PDE4D: variants seen among roughly 807,000 people sequenced by gnomAD.
PDE4D encodes phosphodiesterase 4D.
A neutral mutation model predicts 87.4 loss-of-function variants in PDE4D; 24 were observed. That is an observed-to-expected ratio of 0.27 (90% CI 0.20 to 0.39). PDE4D has a LOEUF of 0.39. Ranked by LOEUF, PDE4D falls within the 10% of genes least tolerant of loss-of-function variation. The pLI is 1.00. For synonymous variants in PDE4D, 384 were observed against 383.2 expected (o/e 1.00, Z -0.02); for missense variants, 714 against 1,041.0 (o/e 0.69, Z 4.32).
intron 1 of PDE4D, among the ~76,000 whole-genome samples, chr5:59,336,925 C>A (rs530745712): frequency 6.6e-6 from 1 of 152,152 alleles, no homozygotes; most frequent in Non-Finnish European, 1.5e-5. Context: ...ACTCAATGTT[C>A]AGTTCATATT....
chr5:59,276,684 A>G (rs1464650283), intron 1 of PDE4D, among the ~76,000 whole-genome samples: 2 of 152,002 alleles, frequency 1.3e-5, no homozygotes, highest in Non-Finnish European at 2.9e-5. Flanking sequence ...CCCTTGCACA[A>G]TGTTTTCTAA....
chr5:59,475,282 A>G (rs1204965086), intron 1 of PDE4D, among the ~76,000 whole-genome samples: 4 of 152,072 alleles, frequency 2.6e-5, no homozygotes, highest in Non-Finnish European at 4.4e-5. Context: ...GTACCTAGGT[A>G]CACCTTTCAG....
intron 1 of PDE4D, among the ~76,000 whole-genome samples, chr5:59,378,439 A>AG (rs1316761020): frequency 6.6e-6 from 1 of 152,230 alleles, no homozygotes; most frequent in Non-Finnish European, 1.5e-5. Context: ...GTTAAAAAAA[A>AG]GAATTCAGAA....
At chr5:59,854,423 T>C (rs1745118954) in intron 1 of PDE4D, among the ~76,000 whole-genome samples, 1 of 152,102 alleles carries the variant, frequency 6.6e-6, no homozygotes, top group African/African-American at 2.4e-5. Context: ...AATTTGTGAC[T>C]TCCTTTTTAA....
At chr5:59,047,742 A>G (rs1445609234) in intron 5 of PDE4D, among the ~76,000 whole-genome samples, 2 of 152,256 alleles carry the variant, frequency 1.3e-5, no homozygotes, top group East Asian at 3.8e-4. Flanking sequence ...GCTGAAATCT[A>G]ATCCCCGGTG....
At chr5:59,652,831 A>C (rs1310947997) in intron 1 of PDE4D, among the ~76,000 whole-genome samples, 1 of 152,134 alleles carries the variant, frequency 6.6e-6, no homozygotes, top group Non-Finnish European at 1.5e-5. Flanking sequence ...CCATCAAGGA[A>C]ACTGTCAGAA....
intron 1 of PDE4D, among the ~76,000 whole-genome samples, chr5:59,587,908 G>A (rs1209354796): frequency 6.6e-6 from 1 of 151,368 alleles, no homozygotes; most frequent in South Asian, 2.1e-4. Context: ...TTGTTTGCTC[G>A]TTTTCCTTCT....
chr5:59,461,695 T>C (rs1002960418), intron 1 of PDE4D, among the ~76,000 whole-genome samples: 1 of 152,214 alleles, frequency 6.6e-6, no homozygotes, highest in African/African-American at 2.4e-5. Flanking sequence ...TTTATTTGTG[T>C]AGGCTTCAAC....
At chr5:59,675,888 C>T (rs1747986540) in intron 1 of PDE4D, among the ~76,000 whole-genome samples, 1 of 152,048 alleles carries the variant, frequency 6.6e-6, no homozygotes, top group African/African-American at 2.4e-5. Context: ...GACAGGGTCT[C>T]ACTATGTTGC....
chr5:59,382,951 T>C (rs1786188364), intron 1 of PDE4D, among the ~76,000 whole-genome samples: 1 of 152,246 alleles, frequency 6.6e-6, no homozygotes, highest in Non-Finnish European at 1.5e-5. Context: ...CACACCATCC[T>C]GTAAGCTTTA....
chr5:60,457,093 C>T (rs1022770645), intron 1 of PDE4D, among the ~76,000 whole-genome samples: 1 of 152,200 alleles, frequency 6.6e-6, no homozygotes, highest in Non-Finnish European at 1.5e-5. Flanking sequence ...TTCGAATAAA[C>T]TGTACAGCCT....
chr5:60,358,260 T>C (rs571781974), intron 1 of PDE4D, among the ~76,000 whole-genome samples: 4 of 152,266 alleles, frequency 2.6e-5, no homozygotes, highest in African/African-American at 9.6e-5. Context: ...ACGGATTATA[T>C]AGAGATAGAT....
chr5:60,015,170 C>T (rs1039909383), intron 2 of PDE4D, among the ~76,000 whole-genome samples: 1 of 152,162 alleles, frequency 6.6e-6, no homozygotes, highest in African/African-American at 2.4e-5. Context: ...GGAACATCAA[C>T]TTTAAATATA....
intron 2 of PDE4D, among the ~76,000 whole-genome samples, chr5:59,205,785 A>G (rs1014644092): frequency 6.6e-6 from 1 of 152,138 alleles, no homozygotes; most frequent in African/African-American, 2.4e-5. Context: ...ATGAATTTTG[A>G]AACATGGAAA....
chr5:59,649,931 T>TTTTTTTTTTTTTTTTTTTTTTTTG (rs1474090994), intron 1 of PDE4D, among the ~76,000 whole-genome samples: 1 of 141,346 alleles, frequency 7.1e-6, no homozygotes, highest in Non-Finnish European at 1.5e-5. Context: ...TTTTTTTTTT[T>TTTTTTTTTTTTTTTTTTTTTTTTG]TAGCAATGAC....
chr5:59,490,992 T>C (rs1045408125), intron 1 of PDE4D, among the ~76,000 whole-genome samples: 5 of 152,194 alleles, frequency 3.3e-5, no homozygotes, highest in Admixed American at 6.5e-5. Flanking sequence ...CAGAGTGAGA[T>C]TGGCCAAGAT....
At chr5:60,342,651 T>A (rs935081305) in intron 1 of PDE4D, among the ~76,000 whole-genome samples, 2 of 151,854 alleles carry the variant, frequency 1.3e-5, no homozygotes, top group Admixed American at 1.3e-4. Context: ...CTCCTTGAGA[T>A]CAATAAATGT....
At chr5:59,647,373 T>G (rs1001274549) in intron 1 of PDE4D, among the ~76,000 whole-genome samples, 4 of 152,082 alleles carry the variant, frequency 2.6e-5, no homozygotes, top group Non-Finnish European at 5.9e-5. Flanking sequence ...GTCTGTATAA[T>G]TCATGGTAAT....
chr5:59,732,960 T>C (rs1033996506), intron 1 of PDE4D, among the ~76,000 whole-genome samples: 2 of 149,900 alleles, frequency 1.3e-5, no homozygotes, highest in African/African-American at 4.9e-5. Flanking sequence ...AGTGATGGTA[T>C]CCATTTAATG....
Sources: gnomAD v4.1 joint callset for allele counts (sites outside exome capture counted in the v4.1 genomes callset) on GRCh38, gnomAD v4.1.1 for gene constraint, MANE v1.5 for transcripts, NCBI Gene and HGNC (gene_info 2026-07-23, HGNC 2026-07-21) for gene names.